NPR1: variants seen among roughly 807,000 people sequenced by gnomAD.
The protein encoded by NPR1 is natriuretic peptide receptor 1.
Under a neutral mutation model 116.9 loss-of-function variants are expected in NPR1, and 57 were observed. That is an observed-to-expected ratio of 0.49 (90% CI 0.39 to 0.61). The LOEUF is 0.61. NPR1 is among the 20% of genes least tolerant of loss of function. The pLI is 0.00. For synonymous variants in NPR1, 555 were observed against 601.6 expected, an observed-to-expected ratio of 0.92 and a Z score of 1.13; for missense variants, 1,096 against 1,409.8, an observed-to-expected ratio of 0.78 and a Z score of 3.56.
Position 153,679,251 on chromosome 1 carries a change from AC to A in NPR1, c.147del (p.Trp50GlyfsTer17). ...AVVLPLANTSYPWSWARVGPA... is the reference protein window; with the variant it reads ...AVVLPLANTSXPWSWARVGPA... ...GTACTGCCGCTGGCCAATACCTCGT[AC>A]CCCTGGTCGTGGGCGCGCGTGGGAC... On this transcript the variant is annotated frameshift_variant, in exon 1 of 22. Transcript: ENST00000368680. LOFTEE classifies it high-confidence loss of function. The surrounding 1 kb of genome is among the most constrained non-coding windows in gnomAD (Gnocchi z 4.2). 1.3e-6 allele frequency: 2 copies of A among 1,528,030 alleles called. No individual in the cohort carries two copies. Among genetic ancestry groups the A allele is most frequent in the Non-Finnish European group, 8.8e-7 (1 of 1,142,528 alleles). The allele number at this position is 1,528,030 out of a possible 1,614,324, so 94.7% of individuals were successfully genotyped here.
rs1669678993 is a variant in NPR1 at position 153,679,022 on chromosome 1, C to T, written c.-87C>T. 2.2e-6 allele frequency: 3 copies of T among 1,356,044 alleles called. No homozygotes were observed. Among genetic ancestry groups the T allele is most frequent in the Admixed American group, 3.8e-5 (1 of 26,116 alleles). 84.0% of individuals were successfully genotyped at this position (1,356,044 alleles called of 1,614,324 possible). On this transcript the variant is annotated 5_prime_UTR_variant, in exon 1 of 22. Coordinates refer to ENST00000368680, the MANE Select transcript of NPR1 (RefSeq NM_000906.4). This position sits in a 1 kb window ranked among gnomAD's most constrained non-coding sequence, Gnocchi z 4.2. ...TCCTGCTCCTTCCCATAGGGACGCGCCTGATGCCTGGGACCGGCCGCTGAG... is the reference window on the plus strand; with the variant it reads ...TCCTGCTCCTTCCCATAGGGACGCGTCTGATGCCTGGGACCGGCCGCTGAG...
At chr1:153,684,923 G>A in intron 7 of NPR1, 41 bp from the exon 8 acceptor site, 1 of 1,610,802 alleles carries the variant, frequency 6.2e-7, no homozygotes, top group Non-Finnish European at 8.5e-7. Context: ...CCCTGGGTCA[G>A]CGGCTCAGCC....
rs761109601 is a variant in NPR1, at chr1:153,681,311, G to A, written c.1035+18G>A. 4 of 1,472,134 alleles carry A rather than the reference G, an allele frequency of 2.7e-6. No homozygotes were observed. The highest frequency in any genetic ancestry group is 3.8e-6 in the Non-Finnish European group (4 of 1,051,136). The allele number at this position is 1,472,134 out of a possible 1,614,324, so 91.2% of individuals were successfully genotyped here. On this transcript the variant is annotated intron_variant, in intron 3 of 21. Coordinates refer to ENST00000368680, the MANE Select transcript of NPR1 (RefSeq NM_000906.4). Reference sequence around the variant, plus strand: ...ATGGCCTGGTAAGAAGGGGTCCCGGGACCCTCCAGCGTGGACCTCCAGCCC... The same window carrying A: ...ATGGCCTGGTAAGAAGGGGTCCCGGAACCCTCCAGCGTGGACCTCCAGCCC...
chr1:153,684,284 G>A (rs79483839), intron 7 of NPR1, among the ~76,000 whole-genome samples: 2,225 of 152,068 alleles, frequency 0.015, 47 homozygotes, highest in African/African-American at 0.05. Flanking sequence ...AGTACAGGAG[G>A]AGTTAATGAT....
In NPR1 at chr1:153,679,866, G is replaced by A. The variant is rs375457734; in HGVS notation, c.721+37G>A. On this transcript the variant is annotated intron_variant, in intron 1 of 21. Coordinates refer to ENST00000368680, the MANE Select transcript of NPR1 (RefSeq NM_000906.4). The surrounding 1 kb of genome is among the most constrained non-coding windows in gnomAD (Gnocchi z 4.2). ...GCACACCCCGTCCCGCCGCTTAGCC[G>A]CAGGGCCTCCCCTCTGACCTGCCGG... 574 of 1,530,848 alleles carry A rather than the reference G, an allele frequency of 3.7e-4. 1 individual carries two copies. The highest frequency in any genetic ancestry group is 4.8e-4 in the Non-Finnish European group (553 of 1,144,932). The allele number at this position is 1,530,848 out of a possible 1,614,324, so 94.8% of individuals were successfully genotyped here.
In NPR1 at chr1:153,693,334, C is replaced by T; in HGVS notation, c.3124-18C>T. ...GGGCATGTGCCACTCCCCAGCCCAT[C>T]CTCTTTTTTCCCTCCAGGGCAAAGG... is the stretch of plus-strand genomic sequence containing the variant. On this transcript the variant is annotated intron_variant, in intron 21 of 21. Coordinates refer to ENST00000368680, the MANE Select transcript of NPR1 (RefSeq NM_000906.4). The T allele has an allele frequency of 1.2e-6, 2 of 1,612,208 alleles. No individual in the cohort carries two copies. Among genetic ancestry groups the T allele is most frequent in the South Asian group, 2.2e-5 (2 of 90,886 alleles).
rs567189771 is a variant in NPR1 at position 153,687,449 on chromosome 1, C to T, written c.2092+93C>T. ...CTCTGATGGGCTTGGGCATGCTTGT[C>T]CTGACTCCAGCCTCAATTCATTCAC... is the stretch of plus-strand genomic sequence containing the variant. On this transcript the variant is annotated intron_variant, in intron 13 of 21. Coordinates refer to ENST00000368680, the MANE Select transcript of NPR1 (RefSeq NM_000906.4). 6.6e-6 allele frequency: 10 copies of T among 1,519,942 alleles called. No homozygotes were observed. The African/African-American group carries it at 9.7e-5, about 15-fold the overall frequency. 94.2% of individuals were successfully genotyped at this position (1,519,942 alleles called of 1,614,324 possible).
In NPR1 at chr1:153,689,198, G is replaced by A. The variant is rs1350477945; in HGVS notation, c.2575G>A (p.Glu859Lys). Reference sequence around the variant, plus strand: ...GCCCTGACCCCTTAGCTCAGTGGCTGAGCAGCTGAAGCGTGGGGAGACGGT... The same window carrying A: ...GCCCTGACCCCTTAGCTCAGTGGCTAAGCAGCTGAAGCGTGGGGAGACGGT... ...LYQILPHSVA[E>K]QLKRGETVQA... The change falls in exon 17 of 22, where the codon GAG becomes AAG. Residue 859 changes from glutamate (E) to lysine (K), a missense_variant. Physicochemically the swap from Glu to Lys is moderately conservative, Grantham distance 56. Transcript: ENST00000368680. This position sits in a 1 kb window ranked among gnomAD's most constrained non-coding sequence, Gnocchi z 5.1. 1 of 1,614,076 alleles carries A rather than the reference G, an allele frequency of 6.2e-7. No homozygotes were observed.
rs1669959139 is a variant in NPR1, at chr1:153,687,313, C to T, written c.2049C>T (p.Ser683=). The T allele has an allele frequency of 5.0e-6, 8 of 1,614,086 alleles. No individual in the cohort carries two copies. Among genetic ancestry groups the T allele is most frequent in the East Asian group, 2.2e-5 (1 of 44,878 alleles). Residue 683 remains serine (S), a synonymous_variant, in exon 13 of 22, where the codon AGC becomes AGT. Coordinates refer to ENST00000368680, the MANE Select transcript of NPR1 (RefSeq NM_000906.4). ...AGATCACCGACTATGGGCTGGAGAGCTTCAGGGACCTGGACCCAGAGCAAG... is the reference window on the plus strand; with the variant it reads ...AGATCACCGACTATGGGCTGGAGAGTTTCAGGGACCTGGACCCAGAGCAAG... ...VLKITDYGLE[S]FRDLDPEQGH... is the part of the protein sequence containing the mutation.
chr1:153,687,840 A>G, intron 14 of NPR1, 51 bp downstream of exon 14: 1 of 1,525,632 alleles, frequency 6.6e-7, no homozygotes, highest in Non-Finnish European at 8.8e-7. Flanking sequence ...AACGAACCCC[A>G]GCCCCAGGGA....
intron 12 of NPR1, 54 bp downstream of exon 12, chr1:153,687,141 C>T (rs921491383): frequency 1.9e-6 from 3 of 1,613,884 alleles, no homozygotes; most frequent in Non-Finnish European, 2.5e-6. Flanking sequence ...GCATGCTTCT[C>T]CTGGCCACGG....
At chr1:153,687,150 G>A (rs201574998) in intron 12 of NPR1, 50 bp from the exon 13 acceptor site, 16 of 1,613,938 alleles carry the variant, frequency 9.9e-6, no homozygotes, top group African/African-American at 2.7e-5. Flanking sequence ...TCCTGGCCAC[G>A]GGTGTAGGTC....
In NPR1 at chr1:153,679,395, C is replaced by T; in HGVS notation, c.287C>T (p.Ala96Val). The T allele has an allele frequency of 6.5e-7, 1 of 1,540,616 alleles. No individual in the cohort carries two copies. Among genetic ancestry groups the T allele is most frequent in the Non-Finnish European group, 8.7e-7 (1 of 1,148,268 alleles). Residue 96 changes from alanine (A) to valine (V), a missense_variant, in exon 1 of 22, where the codon GCA becomes GTA. Physicochemically the swap from Ala to Val is moderately conservative, Grantham distance 64. Transcript: ENST00000368680. The surrounding 1 kb of genome is among the most constrained non-coding windows in gnomAD (Gnocchi z 4.2). ...ENALGVCSDT[A>V]APLAAVDLKW... Reference sequence around the variant, plus strand: ...GCGCTGGGCGTCTGCTCCGACACCGCAGCGCCCCTGGCCGCGGTGGACCTC... The same window carrying T: ...GCGCTGGGCGTCTGCTCCGACACCGTAGCGCCCCTGGCCGCGGTGGACCTC...
chr1:153,687,815 C>A (rs759514415), intron 14 of NPR1, 26 bp downstream of exon 14: 1 of 1,555,364 alleles, frequency 6.4e-7, no homozygotes, highest in Non-Finnish European at 8.7e-7. Flanking sequence ...CTTCCTTAAA[C>A]CCAGCCACAG....
At position 153,687,266 on chromosome 1, in the gene NPR1, G is replaced by T; in HGVS notation, c.2002G>T (p.Val668Leu). 6.2e-7 allele frequency: 1 copy of T among 1,614,110 alleles called. No individual in the cohort carries two copies. ...GAACCTCAAGTCATCCAACTGCGTG[G>T]TAGATGGGCGCTTTGTGCTCAAGAT... ...HGNLKSSNCV[V>L]DGRFVLKITD... The change falls in exon 13 of 22, where the codon GTA becomes TTA. Residue 668 changes from valine (V) to leucine (L), a missense_variant. Physicochemically the swap from Val to Leu is conservative, Grantham distance 32. Transcript: ENST00000368680.
chr1:153,681,381 G>A (rs1399001326), intron 3 of NPR1, 88 bp downstream of exon 3: 6 of 793,702 alleles, frequency 7.6e-6, no homozygotes, highest in Middle Eastern at 2.4e-4. Context: ...CCTATTCCCA[G>A]TTCTCCCCTT....
intron 19 of NPR1, 133 bp from the exon 20 acceptor site, chr1:153,690,137 TCTCTCACACACACA>T: frequency 5.3e-6 from 3 of 567,624 alleles, no homozygotes; most frequent in East Asian, 3.3e-5. Context: ...TCTCTCTCTC[TCTCTCACACACACA>T]CACACACACA....
In NPR1 at chr1:153,680,683, G is replaced by A. The variant is rs958944634; in HGVS notation, c.904G>A (p.Ala302Thr). The change falls in exon 2 of 22, where the codon GCC becomes ACC. Residue 302 changes from alanine to threonine, a missense_variant. Physicochemically the swap from Ala to Thr is moderately conservative, Grantham distance 58 (BLOSUM62 0). Transcript: ENST00000368680. The stretch of plus-strand genomic sequence containing the variant: ...GAGAGGGGATGGGCAGGATGTCAGT[G>A]CCCGCCAGGCCTTTCAGGTGAGTAC... ...WERGDGQDVSARQAFQAAKII... is the reference protein window; with the variant it reads ...WERGDGQDVSTRQAFQAAKII... 3 of 1,613,346 alleles carry A rather than the reference G, an allele frequency of 1.9e-6. No homozygotes were observed. In the African/African-American group the frequency reaches 4.0e-5, roughly 22 times the overall value.
In NPR1 at chr1:153,678,991, T is replaced by G. The variant is rs918573535; in HGVS notation, c.-118T>G. The G allele has an allele frequency of 5.9e-5, 74 of 1,259,178 alleles. No homozygotes were observed. The highest frequency in any genetic ancestry group is 7.4e-5 in the Non-Finnish European group (72 of 975,558). 78.0% of individuals were successfully genotyped at this position (1,259,178 alleles called of 1,614,324 possible). A position where few individuals can be genotyped will look rare whatever the true frequency, so the allele number is the denominator to read the frequency against. On this transcript the variant is annotated 5_prime_UTR_variant, in exon 1 of 22. Coordinates refer to ENST00000368680, the MANE Select transcript of NPR1 (RefSeq NM_000906.4). The surrounding 1 kb of genome is among the most constrained non-coding windows in gnomAD (Gnocchi z 5.8). ...TCGAGCCCCGGGGTGAGCGTCCCCG[T>G]CCCGCTCCTGCTCCTTCCCATAGGG...
Sources: allele counts gnomAD v4.1 joint callset (sites outside exome capture counted in the v4.1 genomes callset), GRCh38; gene constraint gnomAD v4.1.1; non-coding constraint Gnocchi (gnomAD v3.1); transcripts MANE v1.5; gene names NCBI Gene and HGNC (gene_info 2026-07-23, HGNC 2026-07-21).